The following SGSM2 variants were observed in gnomAD, a reference collection of about 807,000 sequenced individuals.
SGSM2 encodes small G protein signaling modulator 2.
SGSM2 carries 89 observed loss-of-function variants against 126.6 expected under a neutral mutation model. The ratio of observed to expected loss-of-function variants is 0.70; its 90% CI spans 0.59 to 0.84. SGSM2 has a LOEUF of 0.84. Among genes scored for constraint, SGSM2 ranks in the 40% least tolerant of loss-of-function variants. SGSM2 has a pLI of 0.00. For missense variants in SGSM2, 1,404 were observed against 1,416.6 expected (o/e 0.99, Z 0.14); for synonymous variants, 614 against 574.3 (o/e 1.07, Z -0.99).
intron 11 of SGSM2, among the ~76,000 whole-genome samples, chr17:2,366,119 T>C (rs1046890332): frequency 1.3e-5 from 2 of 152,176 alleles, no homozygotes; most frequent in African/African-American, 4.8e-5. Flanking sequence ...CAACTACTGA[T>C]GAGCGTTAGC....
chr17:2,378,933 TCAGCCTCAGCCC>T lies in SGSM2; in HGVS notation c.2900-94_2900-83del, dbSNP rs1311188364. 1,829 of 1,220,224 alleles carry T rather than the reference TCAGCCTCAGCCC, an allele frequency of 1.5e-3. 18 individuals are homozygous for T. Among genetic ancestry groups the T allele is most frequent in the Admixed American group, 2.8e-3 (107 of 38,422 alleles). 75.6% of individuals were successfully genotyped at this position (1,220,224 alleles called of 1,614,324 possible). On this transcript the variant is annotated intron_variant, in intron 22 of 23. Transcript: ENST00000268989. ...ATCAGCCCCAGCCCCAGCCTCAGCC[TCAGCCTCAGCCC>T]CAGCCTCAATCCCAGCCTCAGCCTC...
At chr17:2,373,855 C>G (rs1324584878) in intron 17 of SGSM2, 1 of 251,422 alleles carries the variant, frequency 4.0e-6, no homozygotes, top group Non-Finnish European at 7.7e-6. Context: ...AGATCCACTA[C>G]TGACAAGCTG....
Position 2,337,785 on chromosome 17 carries a change from G to A in SGSM2, c.57+40G>A. 1 of 1,460,162 alleles carries A rather than the reference G, an allele frequency of 6.8e-7. No homozygotes were observed. Among genetic ancestry groups the A allele is most frequent in the Non-Finnish European group, 9.2e-7 (1 of 1,091,698 alleles). 90.5% of individuals were successfully genotyped at this position (1,460,162 alleles called of 1,614,324 possible). On this transcript the variant is annotated intron_variant, in intron 1 of 23. Coordinates refer to ENST00000268989, the MANE Select transcript of SGSM2 (RefSeq NM_014853.3). The surrounding 1 kb of genome is among the most constrained non-coding windows in gnomAD (Gnocchi z 5.1). ...AGAACCCCGGGGGGCTCGCGCCCTG[G>A]CCCGCGCGGCCCAGGGGGCAGAAAG...
chr17:2,372,700 CTG>C lies in SGSM2; in HGVS notation c.1788+215_1788+216del. ...GAAGCCGTCCTGCCTCCACATCGCC[CTG>C]TGACCCTGGACAAAGCTTTGCCTCT... On this transcript the variant is annotated intron_variant, in intron 15 of 23. Transcript: ENST00000268989. The surrounding 1 kb of genome is among the most constrained non-coding windows in gnomAD (Gnocchi z 6.0). 1 of 815,648 alleles carries C rather than the reference CTG, an allele frequency of 1.2e-6. No individual in the cohort carries two copies. Among genetic ancestry groups the C allele is most frequent in the East Asian group, 2.7e-5 (1 of 36,874 alleles). 50.5% of individuals were successfully genotyped at this position (815,648 alleles called of 1,614,324 possible). A position where few individuals can be genotyped will look rare whatever the true frequency, so the allele number is the denominator to read the frequency against.
rs534937033 is a variant in SGSM2, at chr17:2,367,051, C to G, written c.1289-220C>G. On this transcript the variant is annotated intron_variant, in intron 11 of 23. Coordinates refer to ENST00000268989, the MANE Select transcript of SGSM2 (RefSeq NM_014853.3). This position sits in a 1 kb window ranked among gnomAD's most constrained non-coding sequence, Gnocchi z 4.0. ...CTGTTCTTCCTAGAGAGGCTGCCTC[C>G]GAAGAGTGAGGTTCTGCAGCTGCCC... is the stretch of plus-strand genomic sequence containing the variant. 3.7e-6 allele frequency: 2 copies of G among 542,000 alleles called. No individual in the cohort carries two copies. The highest frequency in any genetic ancestry group is 6.6e-6 in the Non-Finnish European group (2 of 303,780). 33.6% of individuals were successfully genotyped at this position (542,000 alleles called of 1,614,324 possible).
intron 12 of SGSM2, among the ~76,000 whole-genome samples, chr17:2,369,227 C>T (rs910532534): frequency 2.6e-5 from 4 of 152,182 alleles, no homozygotes; most frequent in African/African-American, 7.2e-5. Flanking sequence ...TGTTGCTTTT[C>T]AGGCCTGCAA....
intron 3 of SGSM2, 115 bp from the exon 4 acceptor site, chr17:2,361,993 AC>A: frequency 7.1e-7 from 1 of 1,399,404 alleles, no homozygotes; most frequent in Non-Finnish European, 9.7e-7. Flanking sequence ...TCACCTCCCA[AC>A]CCCAGTCAGT....
At chr17:2,370,495 C>T (rs1420778825) in intron 12 of SGSM2, among the ~76,000 whole-genome samples, 1 of 152,248 alleles carries the variant, frequency 6.6e-6, no homozygotes, top group Non-Finnish European at 1.5e-5. Context: ...GGATAGTGGG[C>T]CTCTGTGCCC....
chr17:2,376,610 T>A, intron 19 of SGSM2, 123 bp from the exon 20 acceptor site: 1 of 1,054,190 alleles, frequency 9.5e-7, no homozygotes, highest in South Asian at 1.4e-5. Flanking sequence ...GCACAGTACA[T>A]GCCTTAGGGT....
chr17:2,365,012 G>T lies in SGSM2; in HGVS notation c.1116G>T (p.Leu372=). 1 of 1,613,660 alleles carries T rather than the reference G, an allele frequency of 6.2e-7. No homozygotes were observed. ...SFLSCLENGL[L]PRGQLEPPLW... is the part of the protein sequence containing the mutation. Reference sequence around the variant, plus strand: ...TGTCCTGTCTGGAGAATGGGCTGCTGCCTCGGGGACAGCTAGAGCCCCCGC... The same window carrying T: ...TGTCCTGTCTGGAGAATGGGCTGCTTCCTCGGGGACAGCTAGAGCCCCCGC... Residue 372 remains leucine, a synonymous_variant, in exon 10 of 24, where the codon CTG becomes CTT. Transcript: ENST00000268989.
Position 2,372,401 on chromosome 17 carries a change from C to T in SGSM2, c.1701C>T (p.His567=). The change falls in exon 15 of 24, where the codon CAC becomes CAT. Residue 567 remains histidine (H), a synonymous_variant. Transcript: ENST00000268989. This position sits in a 1 kb window ranked among gnomAD's most constrained non-coding sequence, Gnocchi z 6.0. ...GGACCCACCTGTCGGCGCTGGTGCA[C>T]CATAGCGTTATCCCACCTGACCGGC... is the stretch of plus-strand genomic sequence containing the variant. ...TVRTHLSALV[H]HSVIPPDRPP... 1 of 1,596,118 alleles carries T rather than the reference C, an allele frequency of 6.3e-7. No individual in the cohort carries two copies. Among genetic ancestry groups the T allele is most frequent in the Non-Finnish European group, 8.5e-7 (1 of 1,173,506 alleles).
At position 2,372,610 on chromosome 17, in the gene SGSM2, C is replaced by G. The variant is rs1186052819; in HGVS notation, c.1788+122C>G. 3.7e-6 allele frequency: 5 copies of G among 1,354,762 alleles called. No individual in the cohort carries two copies. Among genetic ancestry groups the G allele is most frequent in the Non-Finnish European group, 4.0e-6 (4 of 988,634 alleles). The allele number at this position is 1,354,762 out of a possible 1,614,324, so 83.9% of individuals were successfully genotyped here. On this transcript the variant is annotated intron_variant, in intron 15 of 23. Coordinates refer to ENST00000268989, the MANE Select transcript of SGSM2 (RefSeq NM_014853.3). This position sits in a 1 kb window ranked among gnomAD's most constrained non-coding sequence, Gnocchi z 6.0. ...GGCCAGGGCCGATGCCACGGAGTGACCAGGGTCCCGGCAGAATCTCTTGCA... is the reference window on the plus strand; with the variant it reads ...GGCCAGGGCCGATGCCACGGAGTGAGCAGGGTCCCGGCAGAATCTCTTGCA...
chr17:2,366,244 C>A (rs2151587216), intron 11 of SGSM2, among the ~76,000 whole-genome samples: 1 of 152,236 alleles, frequency 6.6e-6, no homozygotes, highest in South Asian at 2.1e-4. Flanking sequence ...GACACACACC[C>A]CTGGGCCCAA....
intron 17 of SGSM2, 78 bp downstream of exon 17, chr17:2,373,591 C>T: frequency 7.4e-7 from 1 of 1,349,732 alleles, no homozygotes; most frequent in Non-Finnish European, 1.0e-6. Context: ...TGAGCACCAG[C>T]CTGACCTCTG....
chr17:2,345,123 A>G (rs1047317064), intron 2 of SGSM2, among the ~76,000 whole-genome samples: 3 of 149,362 alleles, frequency 2.0e-5, no homozygotes, highest in African/African-American at 7.4e-5. Context: ...TATGCTCTGG[A>G]AAAAAAAAAG....
At chr17:2,349,926 T>C (rs572536787) in intron 2 of SGSM2, among the ~76,000 whole-genome samples, 7 of 152,098 alleles carry the variant, frequency 4.6e-5, no homozygotes, top group Non-Finnish European at 1.0e-4. Flanking sequence ...TAGCTGGGAC[T>C]ACAGGCGCCC....
At chr17:2,342,989 C>G (rs2064445128) in intron 1 of SGSM2, among the ~76,000 whole-genome samples, 3 of 152,090 alleles carry the variant, frequency 2.0e-5, no homozygotes, top group Admixed American at 2.0e-4. Context: ...AAAAAAATGA[C>G]TGTTTACCTT....
chr17:2,358,458 C>T (rs1324104265), intron 2 of SGSM2, among the ~76,000 whole-genome samples: 2 of 152,292 alleles, frequency 1.3e-5, no homozygotes, highest in Middle Eastern at 3.4e-3. Context: ...GCCTGTAATG[C>T]CGGCGCTTTG....
intron 2 of SGSM2, among the ~76,000 whole-genome samples, chr17:2,352,148 TCTC>T (rs2064881891): frequency 6.6e-6 from 1 of 152,214 alleles, no homozygotes; most frequent in Non-Finnish European, 1.5e-5. Flanking sequence ...TGATGCTTCT[TCTC>T]CTTCAGTTGT....
Sources: allele counts gnomAD v4.1 joint callset (sites outside exome capture counted in the v4.1 genomes callset), GRCh38; gene constraint gnomAD v4.1.1; non-coding constraint Gnocchi (gnomAD v3.1); transcripts MANE v1.5; gene names NCBI Gene and HGNC (gene_info 2026-07-23, HGNC 2026-07-21).